CUL2: variants seen among roughly 807,000 people sequenced by gnomAD.
CUL2 encodes cullin 2, also known as cullin-2.
Under a neutral mutation model 110.2 loss-of-function variants are expected in CUL2, and 22 were observed. The observed-to-expected ratio is 0.20, with a 90% CI of 0.14 to 0.28. The LOEUF is 0.28. Among genes scored for constraint, CUL2 ranks in the 10% least tolerant of loss-of-function variants. The probability of loss-of-function intolerance (pLI) is 1.00; values close to 1 mark genes in which losing one functional copy is unlikely to be tolerated. For missense variants in CUL2, 631 were observed against 905.5 expected (o/e 0.70, Z 3.89); for synonymous variants, 279 against 293.2 (o/e 0.95, Z 0.49).
chr10:35,075,006 A>G (rs2086778646), intron 1 of CUL2, among the ~76,000 whole-genome samples: 1 of 152,170 alleles, frequency 6.6e-6, no homozygotes, highest in Non-Finnish European at 1.5e-5. Context: ...TATAAAATGG[A>G]ATCATATTAT....
chr10:35,022,150 G>A (rs1299388727), intron 17 of CUL2, among the ~76,000 whole-genome samples: 1 of 152,054 alleles, frequency 6.6e-6, no homozygotes, highest in African/African-American at 2.4e-5. Context: ...TGTCCACTTG[G>A]CGTTTAGAAG....
At chr10:35,076,519 A>G (rs1466657522) in intron 1 of CUL2, among the ~76,000 whole-genome samples, 1 of 152,114 alleles carries the variant, frequency 6.6e-6, no homozygotes, top group Non-Finnish European at 1.5e-5. Context: ...ATACATCCAT[A>G]TGGTCATTTA....
chr10:35,050,749 T>C (rs1038642421), intron 5 of CUL2, among the ~76,000 whole-genome samples: 1 of 152,240 alleles, frequency 6.6e-6, no homozygotes, highest in Non-Finnish European at 1.5e-5. Context: ...CTGATGTGTC[T>C]GTGATTCCTA....
Position 35,011,952 on chromosome 10 carries a change from T to C in CUL2, c.2002A>G (p.Thr668Ala). 2 of 1,596,096 alleles carry C rather than the reference T, an allele frequency of 1.3e-6. No homozygotes were observed. Among genetic ancestry groups the C allele is most frequent in the East Asian group, 2.2e-5 (1 of 44,474 alleles). Residue 668 changes from threonine (T) to alanine (A), a missense_variant, in exon 20 of 21, where the codon ACT becomes GCT. Coordinates refer to ENST00000374749, the MANE Select transcript of CUL2 (RefSeq NM_003591.4). ...CGGTCCTCATCAACTGCACTTCTAGTCTGCTCCATTTCCTGTTTTACAGAA... is the reference window on the plus strand; with the variant it reads ...CGGTCCTCATCAACTGCACTTCTAGCCTGCTCCATTTCCTGTTTTACAGAA... Reference protein sequence around the residue: ...QKDTPQEMEQTRSAVDEDRKM... With the variant: ...QKDTPQEMEQARSAVDEDRKM...
intron 4 of CUL2, among the ~76,000 whole-genome samples, chr10:35,057,783 C>A (rs73258759): frequency 0.026 from 3,917 of 151,174 alleles, 169 homozygotes; most frequent in African/African-American, 0.09. Context: ...AATTTATTAA[C>A]CACATATTTG....
rs536860299 is a variant in CUL2, at chr10:35,033,444, T to C, written c.1003-171A>G. 1.9e-4 allele frequency among the ~76,000 whole-genome samples: 29 copies of C among 152,238 alleles called. 1 individual carries two copies. In the South Asian group the frequency reaches 5.6e-3, roughly 29 times the overall value. On this transcript the variant is annotated intron_variant, in intron 10 of 20. Transcript: ENST00000374749. The stretch of plus-strand genomic sequence containing the variant: ...AGACGGTCTTAGAAATTTACAACTT[T>C]GGTGTTGAAGGCTGGGCACAGTGGC...
intron 1 of CUL2, among the ~76,000 whole-genome samples, chr10:35,113,619 A>G (rs1241962930): frequency 6.6e-6 from 1 of 151,712 alleles, no homozygotes; most frequent in Non-Finnish European, 1.5e-5. Context: ...ACAACAAAAT[A>G]TAATTCATAA....
chr10:35,125,390 G>A (rs2087746378), intron 1 of CUL2, among the ~76,000 whole-genome samples: 2 of 152,236 alleles, frequency 1.3e-5, no homozygotes, highest in Admixed American at 1.3e-4. Context: ...CAAATACTTT[G>A]CAAATAAGAA....
At chr10:35,114,056 C>T (rs140315330) in intron 1 of CUL2, among the ~76,000 whole-genome samples, 4,044 of 150,564 alleles carry the variant, frequency 0.027, 173 homozygotes, top group African/African-American at 0.09. Context: ...TACAGGTGCC[C>T]GCCACCACAC....
At chr10:35,095,805 C>T (rs2087289136) in intron 2 of CUL2, among the ~76,000 whole-genome samples, 1 of 152,106 alleles carries the variant, frequency 6.6e-6, no homozygotes, top group Non-Finnish European at 1.5e-5. Context: ...AAGTGATCCA[C>T]CCGCCTCAGC....
intron 1 of CUL2, among the ~76,000 whole-genome samples, chr10:35,102,495 C>A (rs2087395389): frequency 6.6e-6 from 1 of 152,034 alleles, no homozygotes; most frequent in South Asian, 2.1e-4. Context: ...TCACTGGAAC[C>A]TGGGAGGCAG....
intron 17 of CUL2, among the ~76,000 whole-genome samples, chr10:35,021,702 CCCAAGTAGCTGGGACTACAGGG>C (rs2085193217): frequency 6.6e-6 from 1 of 151,188 alleles, no homozygotes; most frequent in Admixed American, 6.6e-5. Context: ...ACCTCAGCCT[CCCAAGTAGCTGGGACTACAGGG>C]ATCTCTTAAG....
At position 35,113,458 on chromosome 10, in the gene CUL2, A is replaced by G. The variant is rs1668029286; in HGVS notation, c.-50-12398T>C. ...GGTTGCAGTGAGCCGATATCACGCTACTGCACTCCAGCCTGGGTGACAAGA... is the reference window on the plus strand; with the variant it reads ...GGTTGCAGTGAGCCGATATCACGCTGCTGCACTCCAGCCTGGGTGACAAGA... On this transcript the variant is annotated intron_variant, in intron 1 of 5. Coordinates refer to the CUL2 transcript ENST00000685421. 2.4e-5 allele frequency among the ~76,000 whole-genome samples: 3 copies of G among 124,686 alleles called. No individual in the cohort carries two copies. In the Admixed American group the frequency reaches 3.2e-4, roughly 13 times the overall value. 81.8% of individuals were successfully genotyped at this position (124,686 alleles called of 152,430 possible). A position where few individuals can be genotyped will look rare whatever the true frequency, so the allele number is the denominator to read the frequency against.
At chr10:35,050,938 A>G (rs2086087503) in intron 5 of CUL2, among the ~76,000 whole-genome samples, 1 of 152,240 alleles carries the variant, frequency 6.6e-6, no homozygotes. Flanking sequence ...AGCAAAGCAC[A>G]AGATTTCCCA....
At chr10:35,043,070 G>A (rs545792119) in intron 8 of CUL2, among the ~76,000 whole-genome samples, 1 of 152,220 alleles carries the variant, frequency 6.6e-6, no homozygotes, top group African/African-American at 2.4e-5. Context: ...GATTGTTGCT[G>A]TGGTGTGAGA....
intron 8 of CUL2, among the ~76,000 whole-genome samples, chr10:35,044,051 CAAAAAA>C (rs534515519): frequency 1.7e-3 from 148 of 87,824 alleles, no homozygotes; most frequent in Admixed American, 3.3e-3. Context: ...ACCACATCTC[CAAAAAA>C]AAAAAAAAAA....
At chr10:35,071,083 T>C (rs1009688682) in intron 2 of CUL2, 116 bp downstream of exon 2, 15 of 965,950 alleles carry the variant, frequency 1.6e-5, no homozygotes, top group African/African-American at 3.3e-5. Context: ...ATGTAGATGA[T>C]AATATATTAG....
chr10:35,106,646 T>C (rs1318277594), intron 1 of CUL2, among the ~76,000 whole-genome samples: 7 of 152,032 alleles, frequency 4.6e-5, no homozygotes, highest in Non-Finnish European at 8.8e-5. Flanking sequence ...GTTTGTTGTT[T>C]ATAAGCCACC....
chr10:35,079,435 G>A (rs892448706), intron 1 of CUL2, among the ~76,000 whole-genome samples: 120 of 152,308 alleles, frequency 7.9e-4, no homozygotes, highest in African/African-American at 2.8e-3. Context: ...GGGATCCCTT[G>A]CTGAGTCTTC....
Sources: gnomAD v4.1 joint callset for allele counts (sites outside exome capture counted in the v4.1 genomes callset) on GRCh38, gnomAD v4.1.1 for gene constraint, MANE v1.5 for transcripts, NCBI Gene and HGNC (gene_info 2026-07-23, HGNC 2026-07-21) for gene names.